ATP8B2: variants seen among roughly 807,000 people sequenced by gnomAD.
ATP8B2 encodes the protein ATPase phospholipid transporting 8B2.
Under a neutral mutation model 133.4 loss-of-function variants are expected in ATP8B2, and 70 were observed. That is an observed-to-expected ratio of 0.52 (90% CI 0.43 to 0.64). The LOEUF (loss-of-function observed/expected upper bound fraction) is 0.64, where lower values mean the gene tolerates loss of function less well. Among genes scored for constraint, ATP8B2 ranks in the 30% least tolerant of loss-of-function variants. ATP8B2 has a pLI of 0.00. For synonymous variants in ATP8B2, 517 were observed against 589.5 expected, an observed-to-expected ratio of 0.88 and a Z score of 1.78; for missense variants, 1,101 against 1,535.7, an observed-to-expected ratio of 0.72 and a Z score of 4.73.
chr1:154,343,055 C>CG lies in ATP8B2; in HGVS notation c.1454-54dup. 1 of 1,593,652 alleles carries CG rather than the reference C, an allele frequency of 6.3e-7. No homozygotes were observed. Among genetic ancestry groups the CG allele is most frequent in the Admixed American group, 1.7e-5 (1 of 58,180 alleles). On this transcript the variant is annotated intron_variant, in intron 15 of 27. Transcript: ENST00000368489. The surrounding 1 kb of genome is among the most constrained non-coding windows in gnomAD (Gnocchi z 5.8). ...TGCGGCTGGGCTGGGGCTTCCTGGG[C>CG]GGGGCACGTGGCTGAGGGAAGCCAC...
chr1:154,342,779 C>T lies in ATP8B2; in HGVS notation c.1288-17C>T. On this transcript the variant is annotated splice_polypyrimidine_tract_variant and intron_variant, in intron 14 of 27. Coordinates refer to ENST00000368489, the MANE Select transcript of ATP8B2 (RefSeq NM_001370597.1). ...TGGCACTCTAGCCTTTCCTAAGAGCCTTCTTATGTGTTTCAGAGGCCTGAA... is the reference window on the plus strand; with the variant it reads ...TGGCACTCTAGCCTTTCCTAAGAGCTTTCTTATGTGTTTCAGAGGCCTGAA... 6.2e-7 allele frequency: 1 copy of T among 1,613,142 alleles called. No homozygotes were observed. The highest frequency in any genetic ancestry group is 8.5e-7 in the Non-Finnish European group (1 of 1,179,424).
At position 154,331,597 on chromosome 1, in the gene ATP8B2, T is replaced by C; in HGVS notation, c.366-9T>C. 6.2e-7 allele frequency: 1 copy of C among 1,614,204 alleles called. No homozygotes were observed. The highest frequency in any genetic ancestry group is 8.5e-7 in the Non-Finnish European group (1 of 1,180,006). On this transcript the variant is annotated splice_polypyrimidine_tract_variant and intron_variant, in intron 6 of 27. Transcript: ENST00000368489. This position sits in a 1 kb window ranked among gnomAD's most constrained non-coding sequence, Gnocchi z 4.8. ...TGACAGCCTCTTCACTGTCTTCTCG[T>C]TGCCTCAGCCTCCAGCAGGAGCAGT...
rs376001580 is a variant in ATP8B2 at position 154,346,471 on chromosome 1, G to C, written c.3019G>C (p.Val1007Leu). Residue 1007 changes from valine (V) to leucine (L), a missense_variant, in exon 25 of 28, where the codon GTG (valine) becomes CTG (leucine). Physicochemically the swap from Val to Leu is conservative, Grantham distance 32. Coordinates refer to ENST00000368489, the MANE Select transcript of ATP8B2 (RefSeq NM_001370597.1). The surrounding 1 kb of genome is among the most constrained non-coding windows in gnomAD (Gnocchi z 4.5). ...CACATCCTTGGTCATTGTGGTTAGC[G>C]TGCAGGTATGAGGCCATCCAGGAAC... is the stretch of plus-strand genomic sequence containing the variant. ...VATSLVIVVS[V>L]QIGLDTGYWT... The C allele has an allele frequency of 6.2e-7, 1 of 1,612,578 alleles. No homozygotes were observed. The highest frequency in any genetic ancestry group is 1.7e-4 in the Middle Eastern group (1 of 6,056).
At chr1:154,332,078 A>G in intron 8 of ATP8B2, 54 bp downstream of exon 8, 1 of 1,572,516 alleles carries the variant, frequency 6.4e-7, no homozygotes, top group Admixed American at 1.7e-5. Context: ...GGAGGTAAAA[A>G]GATTGTCTTT....
At chr1:154,329,810 G>A (rs904813548) in intron 2 of ATP8B2, among the ~76,000 whole-genome samples, 5 of 151,958 alleles carry the variant, frequency 3.3e-5, no homozygotes, top group Non-Finnish European at 5.9e-5. Context: ...ATGTCATTTC[G>A]GGCCAGTCAG....
intron 11 of ATP8B2, 22 bp from the exon 12 acceptor site, chr1:154,337,326 T>C (rs370245426): frequency 4.4e-6 from 7 of 1,603,088 alleles, no homozygotes; most frequent in Non-Finnish European, 6.0e-6. Flanking sequence ...CAGCCTCGCC[T>C]GTGCTTCTCA....
chr1:154,333,458 C>T lies in ATP8B2; in HGVS notation c.590-649C>T, dbSNP rs563879379. 3.3e-5 allele frequency among the ~76,000 whole-genome samples: 5 copies of T among 150,238 alleles called. No homozygotes were observed. In the South Asian group the frequency reaches 8.5e-4, roughly 25 times the overall value. On this transcript the variant is annotated intron_variant, in intron 9 of 27. Transcript: ENST00000368489. ...GGTGGAGGTTGCAGTGAGCCGAGAT[C>T]GGGCCACTGCACTCCAGCGTGGGCA...
intron 12 of ATP8B2, chr1:154,338,795 G>A (rs1249985139): frequency 2.6e-5 from 4 of 151,996 alleles, no homozygotes; most frequent in African/African-American, 4.8e-5. Flanking sequence ...GTTTTCACTG[G>A]AACCCCTCCC....
intron 2 of ATP8B2, 57 bp from the exon 3 acceptor site, chr1:154,330,339 A>G (rs2149160125): frequency 6.7e-7 from 1 of 1,502,702 alleles, no homozygotes; most frequent in Non-Finnish European, 9.2e-7. Context: ...CCCCCCAGCA[A>G]AGTGTTGGTC....
At chr1:154,347,621 C>T (rs561943491) in intron 26 of ATP8B2, among the ~76,000 whole-genome samples, 51 of 152,094 alleles carry the variant, frequency 3.4e-4, no homozygotes, top group Non-Finnish European at 6.6e-4. Context: ...AGTAAAAGGC[C>T]GTGAGATTCC....
chr1:154,344,280 G>A lies in ATP8B2; in HGVS notation c.2035+26G>A. On this transcript the variant is annotated intron_variant, in intron 19 of 27. Transcript: ENST00000368489. This position sits in a 1 kb window ranked among gnomAD's most constrained non-coding sequence, Gnocchi z 4.1. ...GTGAGAGCCCAGCAGGGCAGAGCCA[G>A]TTGCAACTGACAGTAGCCCTGTTGG... is the stretch of plus-strand genomic sequence containing the variant. 6.2e-7 allele frequency: 1 copy of A among 1,614,208 alleles called. No individual in the cohort carries two copies. Among genetic ancestry groups the A allele is most frequent in the South Asian group, 1.1e-5 (1 of 91,084 alleles).
chr1:154,345,393 T>A lies in ATP8B2; in HGVS notation c.2542T>A (p.Ser848Thr). 1 of 1,614,224 alleles carries A rather than the reference T, an allele frequency of 6.2e-7. No homozygotes were observed. The highest frequency in any genetic ancestry group is 8.5e-7 in the Non-Finnish European group (1 of 1,180,040). ...QAVLASDYSF[S>T]QFKFLQRLLL... The stretch of plus-strand genomic sequence containing the variant: ...TGTCTTGGCCTCCGATTACTCCTTC[T>A]CCCAGTTCAAGTTCCTGCAGCGCCT... The change falls in exon 23 of 28, where the codon TCC becomes ACC. Residue 848 changes from serine (S) to threonine (T), a missense_variant. By Grantham distance (58) the Ser-to-Thr change is moderately conservative (BLOSUM62 1). Coordinates refer to ENST00000368489, the MANE Select transcript of ATP8B2 (RefSeq NM_001370597.1). The surrounding 1 kb of genome is among the most constrained non-coding windows in gnomAD (Gnocchi z 5.6).
chr1:154,344,338 C>CA lies in ATP8B2; in HGVS notation c.2036-55dup. 6.2e-7 allele frequency: 1 copy of CA among 1,614,116 alleles called. No homozygotes were observed. Among genetic ancestry groups the CA allele is most frequent in the Non-Finnish European group, 8.5e-7 (1 of 1,179,966 alleles). On this transcript the variant is annotated intron_variant, in intron 19 of 27. Coordinates refer to ENST00000368489, the MANE Select transcript of ATP8B2 (RefSeq NM_001370597.1). The surrounding 1 kb of genome is among the most constrained non-coding windows in gnomAD (Gnocchi z 4.1). The stretch of plus-strand genomic sequence containing the variant: ...CATGGAGCCGAGGACATCAGGCAGG[C>CA]AAGTGTGCTGACCTTGTTGGGTGCC...
chr1:154,337,284 G>A (rs1309829618), intron 11 of ATP8B2, 64 bp from the exon 12 acceptor site: 27 of 1,545,082 alleles, frequency 1.7e-5, no homozygotes, highest in Non-Finnish European at 2.3e-5. Flanking sequence ...ATACATCACA[G>A]ATGCACTTGG....
Position 154,344,398 on chromosome 1 carries a change from C to A in ATP8B2, c.2039C>A (p.Thr680Lys), listed in dbSNP as rs761738575. The change falls in exon 20 of 28, where the codon ACG becomes AAG. Residue 680 changes from threonine to lysine, a missense_variant. Thr to Lys is a moderately conservative substitution (Grantham distance 78). Coordinates refer to ENST00000368489, the MANE Select transcript of ATP8B2 (RefSeq NM_001370597.1). The surrounding 1 kb of genome is among the most constrained non-coding windows in gnomAD (Gnocchi z 4.1). Reference protein sequence around the residue: ...IWVLTGDKQETAVNIGYSCKM... With the variant: ...IWVLTGDKQEKAVNIGYSCKM... ...CTCCTGCGTTCTCTCTTGGTAGAGA[C>A]GGCTGTGAACATCGGCTATTCCTGC... 6.2e-7 allele frequency: 1 copy of A among 1,614,018 alleles called. No homozygotes were observed. The highest frequency in any genetic ancestry group is 8.5e-7 in the Non-Finnish European group (1 of 1,180,024).
rs772625222 is a variant in ATP8B2, at chr1:154,343,162, C to T, written c.1503C>T (p.Thr501=). ...AQSPDEGALV[T]AARNFGFVFR... is the part of the protein sequence containing the mutation. ...CCCCAGATGAGGGGGCCCTGGTCAC[C>T]GCAGCCAGGAACTTTGGTTTTGTTT... Residue 501 remains threonine, a synonymous_variant, in exon 16 of 28, where the codon ACC becomes ACT. Transcript: ENST00000368489. This position sits in a 1 kb window ranked among gnomAD's most constrained non-coding sequence, Gnocchi z 5.8. 7.0e-5 allele frequency: 113 copies of T among 1,614,014 alleles called. No individual in the cohort carries two copies. The highest frequency in any genetic ancestry group is 3.5e-4 in the Admixed American group (21 of 59,994).
intron 1 of ATP8B2, among the ~76,000 whole-genome samples, chr1:154,326,633 C>G (rs1035577703): frequency 6.6e-6 from 1 of 152,220 alleles, no homozygotes; most frequent in Non-Finnish European, 1.5e-5. Flanking sequence ...AAGCCTGCTT[C>G]CAGTCTCCCC....
chr1:154,345,341 G>A lies in ATP8B2; in HGVS notation c.2490G>A (p.Gly830=), dbSNP rs1686547710. ...CTGCAGCGGCTCACATTGGTGTGGGGATCAGTGGGCAGGAAGGGATCCAGG... is the reference window on the plus strand; with the variant it reads ...CTGCAGCGGCTCACATTGGTGTGGGAATCAGTGGGCAGGAAGGGATCCAGG... ...SMIKTAHIGV[G]ISGQEGIQAV... The change falls in exon 23 of 28, where the codon GGG becomes GGA. Residue 830 remains glycine, a synonymous_variant. Coordinates refer to ENST00000368489, the MANE Select transcript of ATP8B2 (RefSeq NM_001370597.1). The surrounding 1 kb of genome is among the most constrained non-coding windows in gnomAD (Gnocchi z 5.6). 1.2e-6 allele frequency: 2 copies of A among 1,614,110 alleles called. No individual in the cohort carries two copies. The highest frequency in any genetic ancestry group is 1.7e-6 in the Non-Finnish European group (2 of 1,180,032).
At chr1:154,330,314 GA>G (rs1489161577) in intron 2 of ATP8B2, 81 bp from the exon 3 acceptor site, 9 of 1,280,368 alleles carry the variant, frequency 7.0e-6, no homozygotes, top group Admixed American at 2.0e-5. Flanking sequence ...ATATTCTGTG[GA>G]AAAAAACAGG....
Sources: allele counts gnomAD v4.1 joint callset (sites outside exome capture counted in the v4.1 genomes callset), GRCh38; gene constraint gnomAD v4.1.1; non-coding constraint Gnocchi (gnomAD v3.1); transcripts MANE v1.5; gene names NCBI Gene and HGNC (gene_info 2026-07-23, HGNC 2026-07-21).